DYNC1H1: variants seen among roughly 807,000 people sequenced by gnomAD.
The protein encoded by DYNC1H1 is cytoplasmic dynein 1 heavy chain 1.
DYNC1H1 carries 51 observed loss-of-function variants against 527.1 expected under a neutral mutation model. That is an observed-to-expected ratio of 0.10 (90% CI 0.08 to 0.12). The LOEUF is 0.12. Among genes scored for constraint, DYNC1H1 ranks in the 10% least tolerant of loss-of-function variants. DYNC1H1 has a pLI of 1.00. For synonymous variants in DYNC1H1, 2,189 were observed against 2,278.8 expected (o/e 0.96, Z 1.12); for missense variants, 2,771 against 5,971.8 (o/e 0.46, Z 17.66).
At chr14:102,014,981 A>T in intron 34 of DYNC1H1, 124 bp from the exon 35 acceptor site, 1 of 1,118,998 alleles carries the variant, frequency 8.9e-7, no homozygotes, top group Non-Finnish European at 1.3e-6. Flanking sequence ...ATGCCTGGCT[A>T]CTTTCTGTAT....
Position 101,969,184 on chromosome 14 carries a change from A to G in DYNC1H1, c.256+4237A>G, listed in dbSNP as rs2047701486. On this transcript the variant is annotated intron_variant, in intron 1 of 77. Transcript: ENST00000360184. ...AGGCGCCTGCCACCACACCTGGTTA[A>G]TTTTTTTTTTTTTTTTTAGTAGAGA... Among the ~76,000 whole-genome samples, 3 of 139,234 alleles carry G rather than the reference A, an allele frequency of 2.2e-5. No homozygotes were observed. In the South Asian group the frequency reaches 6.9e-4, roughly 32 times the overall value. The allele number at this position is 139,234 out of a possible 152,430, so 91.3% of individuals were successfully genotyped here.
intron 11 of DYNC1H1, among the ~76,000 whole-genome samples, chr14:101,992,269 C>T (rs1200049799): frequency 6.6e-6 from 1 of 152,188 alleles, no homozygotes; most frequent in Non-Finnish European, 1.5e-5. Flanking sequence ...TAACCGTTTT[C>T]TTAACTTTGA....
rs2048255357 is a variant in DYNC1H1 at position 102,011,266 on chromosome 14, A to G, written c.6618+314A>G. The G allele has an allele frequency of 9.5e-6, 4 of 421,396 alleles. No individual in the cohort carries two copies. Among genetic ancestry groups the G allele is most frequent in the South Asian group, 6.4e-5 (3 of 47,214 alleles). 26.1% of individuals were successfully genotyped at this position (421,396 alleles called of 1,614,324 possible). A position where few individuals can be genotyped will look rare whatever the true frequency, so the allele number is the denominator to read the frequency against. On this transcript the variant is annotated intron_variant, in intron 32 of 77. Coordinates refer to ENST00000360184, the MANE Select transcript of DYNC1H1 (RefSeq NM_001376.5). The surrounding 1 kb of genome is among the most constrained non-coding windows in gnomAD (Gnocchi z 5.3). ...ACCAGACTTTCCAGTGCCAGAGATGAACAACCTGAATCGCTGATCAATACG... is the reference window on the plus strand; with the variant it reads ...ACCAGACTTTCCAGTGCCAGAGATGGACAACCTGAATCGCTGATCAATACG...
chr14:102,008,385 T>C (rs1419274988), intron 29 of DYNC1H1, 48 bp downstream of exon 29: 2 of 1,600,992 alleles, frequency 1.2e-6, no homozygotes, highest in South Asian at 1.1e-5. Context: ...TAGAGGGAAA[T>C]TCCCTAGTGA....
chr14:102,032,117 T>A (rs1457878119), intron 51 of DYNC1H1, among the ~76,000 whole-genome samples, 155 bp from the exon 52 acceptor site: 5 of 152,250 alleles, frequency 3.3e-5, no homozygotes, highest in Non-Finnish European at 5.9e-5. Flanking sequence ...GAGGGTTTAA[T>A]ACAGAAAAGT....
At position 102,012,344 on chromosome 14, in the gene DYNC1H1, G is replaced by A; in HGVS notation, c.6888G>A (p.Gln2296=). The part of the protein sequence containing the change: ...KIIDSVRGEL[Q]KRQWIVFDGD... ...TCGACAGCGTGAGAGGCGAGCTGCA[G>A]AAGCGCCAGTGGATCGTCTTCGATG... Residue 2296 remains glutamine (Q), a synonymous_variant, in exon 34 of 78, where the codon CAG becomes CAA. Coordinates refer to ENST00000360184, the MANE Select transcript of DYNC1H1 (RefSeq NM_001376.5). This position sits in a 1 kb window ranked among gnomAD's most constrained non-coding sequence, Gnocchi z 4.9. The A allele has an allele frequency of 6.2e-7, 1 of 1,614,236 alleles. No homozygotes were observed. Among genetic ancestry groups the A allele is most frequent in the Non-Finnish European group, 8.5e-7 (1 of 1,180,034 alleles).
chr14:102,010,922 A>C lies in DYNC1H1; in HGVS notation c.6588A>C (p.Gly2196=). Residue 2196 remains glycine (G), a synonymous_variant, in exon 32 of 78, where the codon GGA becomes GGC. Coordinates refer to ENST00000360184, the MANE Select transcript of DYNC1H1 (RefSeq NM_001376.5). This position sits in a 1 kb window ranked among gnomAD's most constrained non-coding sequence, Gnocchi z 6.0. ...CQEMYLTYGD[G]EEVGGMWVEK... is the part of the protein sequence containing the mutation. The stretch of plus-strand genomic sequence containing the variant: ...AGATGTATTTGACATATGGAGATGG[A>C]GAAGAAGTTGGTGGAATGTGGGTTG... 2 of 1,614,196 alleles carry C rather than the reference A, an allele frequency of 1.2e-6. No individual in the cohort carries two copies. Among genetic ancestry groups the C allele is most frequent in the Non-Finnish European group, 1.7e-6 (2 of 1,180,034 alleles).
At position 101,980,461 on chromosome 14, in the gene DYNC1H1, A is replaced by G. The variant is rs1026514943; in HGVS notation, c.872A>G (p.Lys291Arg). Residue 291 changes from lysine to arginine, a missense_variant, in exon 5 of 78, where the codon AAA becomes AGA. Transcript: ENST00000360184. ...LERALYRIQE[K>R]RESPEVLLTL... Reference sequence around the variant, plus strand: ...CGTGCGTTATACCGCATCCAGGAGAAACGGGAGAGCCCGGAAGTTCTCCTG... The same window carrying G: ...CGTGCGTTATACCGCATCCAGGAGAGACGGGAGAGCCCGGAAGTTCTCCTG... The G allele has an allele frequency of 1.9e-6, 3 of 1,614,144 alleles. No homozygotes were observed. The highest frequency in any genetic ancestry group is 2.2e-5 in the South Asian group (2 of 91,094).
At position 102,017,260 on chromosome 14, in the gene DYNC1H1, A is replaced by G; in HGVS notation, c.8021A>G (p.Tyr2674Cys). The change falls in exon 39 of 78, where the codon TAT (tyrosine) becomes TGT (cysteine). Residue 2674 changes from tyrosine (Y) to cysteine (C), a missense_variant. Around this residue, in one of 32 missense-constraint regions of DYNC1H1, gnomAD observed 163 missense variants for 346.9 expected, o/e 0.47. Coordinates refer to ENST00000360184, the MANE Select transcript of DYNC1H1 (RefSeq NM_001376.5). The surrounding 1 kb of genome is among the most constrained non-coding windows in gnomAD (Gnocchi z 4.6). ...DEINLPDMDK[Y>C]GTQRVISFIR... ...ATCAACTTGCCAGATATGGATAAAT[A>G]TGGGACCCAGAGGGTCATATCCTTC... 1 of 1,614,222 alleles carries G rather than the reference A, an allele frequency of 6.2e-7. No homozygotes were observed. The highest frequency in any genetic ancestry group is 2.2e-5 in the East Asian group (1 of 44,886).
Position 102,038,774 on chromosome 14 carries a change from A to G in DYNC1H1, c.11132A>G (p.Gln3711Arg), listed in dbSNP as rs886050375. 1 of 1,614,210 alleles carries G rather than the reference A, an allele frequency of 6.2e-7. No individual in the cohort carries two copies. Among genetic ancestry groups the G allele is most frequent in the Non-Finnish European group, 8.5e-7 (1 of 1,180,050 alleles). ...FTVTRSSLQSQCLNEVLKAER... is the reference protein window; with the variant it reads ...FTVTRSSLQSRCLNEVLKAER... Reference sequence around the variant, plus strand: ...GTTACCCGTAGCAGTTTACAAAGCCAGTGTCTAAATGAAGTACTTAAAGCA... The same window carrying G: ...GTTACCCGTAGCAGTTTACAAAGCCGGTGTCTAAATGAAGTACTTAAAGCA... The change falls in exon 59 of 78, where the codon CAG becomes CGG. Residue 3711 changes from glutamine to arginine, a missense_variant. Around this residue, in one of 32 missense-constraint regions of DYNC1H1, gnomAD observed 283 missense variants for 737.6 expected, o/e 0.38. Coordinates refer to ENST00000360184, the MANE Select transcript of DYNC1H1 (RefSeq NM_001376.5). This position sits in a 1 kb window ranked among gnomAD's most constrained non-coding sequence, Gnocchi z 7.2.
chr14:102,038,597 G>C lies in DYNC1H1; in HGVS notation c.11046G>C (p.Arg3682=), dbSNP rs370397467. The C allele has an allele frequency of 6.2e-7, 1 of 1,614,030 alleles. No homozygotes were observed. The highest frequency in any genetic ancestry group is 1.3e-5 in the African/African-American group (1 of 74,904). Residue 3682 remains arginine, a synonymous_variant, in exon 58 of 78, where the codon CGG becomes CGC. Coordinates refer to ENST00000360184, the MANE Select transcript of DYNC1H1 (RefSeq NM_001376.5). The surrounding 1 kb of genome is among the most constrained non-coding windows in gnomAD (Gnocchi z 7.2). ...CGTTTGTCATCTTCCTGTCCACCCGGGATCCAACTGTAAGGAATGGGACCC... is the reference window on the plus strand; with the variant it reads ...CGTTTGTCATCTTCCTGTCCACCCGCGATCCAACTGTAAGGAATGGGACCC... ...SPSFVIFLST[R]DPTVEFPPDL...
At position 101,964,673 on chromosome 14, in the gene DYNC1H1, A is replaced by G. The variant is rs766681689; in HGVS notation, c.-19A>G. On this transcript the variant is annotated 5_prime_UTR_variant, in exon 1 of 78. Coordinates refer to ENST00000360184, the MANE Select transcript of DYNC1H1 (RefSeq NM_001376.5). This position sits in a 1 kb window ranked among gnomAD's most constrained non-coding sequence, Gnocchi z 5.5. ...CGGCCGCCTTCTCATCGCTCCTGGA[A>G]GGTCCCGAGCGCGACACCATGTCGG... 3 of 1,578,618 alleles carry G rather than the reference A, an allele frequency of 1.9e-6. No homozygotes were observed. Among genetic ancestry groups the G allele is most frequent in the Non-Finnish European group, 2.6e-6 (3 of 1,168,416 alleles).
intron 43 of DYNC1H1, among the ~76,000 whole-genome samples, chr14:102,025,796 C>T (rs1474834974): frequency 6.6e-6 from 1 of 152,084 alleles, no homozygotes; most frequent in African/African-American, 2.4e-5. Context: ...ACCACATGGT[C>T]CTGATTATGG....
At chr14:101,974,027 G>A (rs1054965851) in intron 1 of DYNC1H1, among the ~76,000 whole-genome samples, 1 of 152,176 alleles carries the variant, frequency 6.6e-6, no homozygotes, top group Non-Finnish European at 1.5e-5. Context: ...AAAGAAAAAT[G>A]ACTTTCTCAA....
Position 102,036,514 on chromosome 14 carries a change from G to A in DYNC1H1, c.10780G>A (p.Gly3594Arg). 1 of 1,613,844 alleles carries A rather than the reference G, an allele frequency of 6.2e-7. No individual in the cohort carries two copies. The highest frequency in any genetic ancestry group is 8.5e-7 in the Non-Finnish European group (1 of 1,179,956). Residue 3594 changes from glycine (G) to arginine (R), a missense_variant, in exon 57 of 78, where the codon GGA becomes AGA. Physicochemically the swap from Gly to Arg is moderately radical, Grantham distance 125 (BLOSUM62 -2). This residue lies in a region of DYNC1H1 where 283 missense variants were observed against 737.6 expected (regional missense o/e 0.38). Coordinates refer to ENST00000360184, the MANE Select transcript of DYNC1H1 (RefSeq NM_001376.5). The surrounding 1 kb of genome is among the most constrained non-coding windows in gnomAD (Gnocchi z 5.6). The part of the protein sequence containing the change: ...NRYPLIIDPS[G>R]QATEFIMNEY... ...GTATCCGCTGATCATTGACCCCTCT[G>A]GACAGGCCACAGAATTCATTATGAA...
intron 1 of DYNC1H1, among the ~76,000 whole-genome samples, chr14:101,975,171 G>T (rs1265967893): frequency 6.6e-6 from 1 of 152,166 alleles, no homozygotes; most frequent in Non-Finnish European, 1.5e-5. Flanking sequence ...GTATCTGTGG[G>T]CAAGTTACTG....
At chr14:101,981,583 T>A (rs557373051) in intron 5 of DYNC1H1, among the ~76,000 whole-genome samples, 2 of 152,326 alleles carry the variant, frequency 1.3e-5, no homozygotes, top group East Asian at 3.9e-4. Flanking sequence ...ATTAAGACAA[T>A]AGCAGTTGTC....
intron 72 of DYNC1H1, chr14:102,047,564 C>T (rs908195959): frequency 2.0e-4 from 54 of 271,196 alleles, no homozygotes; most frequent in Non-Finnish European, 2.7e-4. Flanking sequence ...CACACACACA[C>T]ATATATATAT....
In DYNC1H1 at chr14:101,983,838, C is replaced by T. The variant is rs1436552998; in HGVS notation, c.1461+229C>T. Among the ~76,000 whole-genome samples the T allele has an allele frequency of 8.6e-5, 13 of 151,942 alleles. No homozygotes were observed. The highest frequency in any genetic ancestry group is 1.5e-4 in the Non-Finnish European group (10 of 68,000). On this transcript the variant is annotated intron_variant, in intron 7 of 77. Coordinates refer to ENST00000360184, the MANE Select transcript of DYNC1H1 (RefSeq NM_001376.5). The surrounding 1 kb of genome is among the most constrained non-coding windows in gnomAD (Gnocchi z 5.3). ...GATTACAGGTGCCTGCCACCACGCC[C>T]GGCTAATTGTTTATATTTTGAGTAG...
Sources: allele counts gnomAD v4.1 joint callset (sites outside exome capture counted in the v4.1 genomes callset), GRCh38; gene constraint gnomAD v4.1.1; regional missense constraint gnomAD v4.1.1; non-coding constraint Gnocchi (gnomAD v3.1); transcripts MANE v1.5; gene names NCBI Gene and HGNC (gene_info 2026-07-23, HGNC 2026-07-21).